Variants in ARHGAP6 observed in about 807,000 individuals in gnomAD.
ARHGAP6 encodes Rho GTPase activating protein 6, also known as rho GTPase-activating protein 6.
In ARHGAP6, 16 loss-of-function variants were observed where a neutral mutation model predicts 55.7. That is an observed-to-expected ratio of 0.29 (90% CI 0.19 to 0.44). ARHGAP6 has a LOEUF of 0.44. ARHGAP6 is among the 20% of genes least tolerant of loss of function. The pLI, the probability that ARHGAP6 is intolerant of heterozygous loss-of-function variation, is 1.00. For synonymous variants in ARHGAP6, 382 were observed against 360.9 expected, an observed-to-expected ratio of 1.06 and a Z score of -0.66; for missense variants, 698 against 808.9, an observed-to-expected ratio of 0.86 and a Z score of 1.66.
At chrX:11,547,027 C>G (rs1456281519) in intron 1 of ARHGAP6, among the ~76,000 whole-genome samples, 1 of 112,458 alleles carries the variant, frequency 8.9e-6, no homozygotes, top group Non-Finnish European at 1.9e-5. Context: ...GCCTCACGTT[C>G]TTTGGAATCA....
intron 1 of ARHGAP6, among the ~76,000 whole-genome samples, chrX:11,390,208 G>A (rs916185939): frequency 9.0e-6 from 1 of 111,342 alleles, no homozygotes; most frequent in African/African-American, 3.3e-5. Flanking sequence ...TCTTGTTTTT[G>A]TCAGGTTTGT....
intron 1 of ARHGAP6, among the ~76,000 whole-genome samples, chrX:11,645,752 G>C (rs2052519751): frequency 9.0e-6 from 1 of 111,427 alleles, no homozygotes; most frequent in African/African-American, 3.3e-5. Context: ...AGAAGGAGAG[G>C]AGTAGGAACA....
rs757682400 is a variant in ARHGAP6 at position 11,376,261 on chromosome X, A to G, written c.589-121554T>C. Among the ~76,000 whole-genome samples the G allele has an allele frequency of 7.1e-5, 8 of 112,645 alleles. No homozygotes were observed. The South Asian group carries it at 2.9e-3, about 42-fold the overall frequency. ...TATTTTGACTGACATGGTAATAGGA[A>G]CACTGCAGATATGATTAAGTGTATA... On this transcript the variant is annotated intron_variant, in intron 1 of 12. Coordinates refer to ENST00000337414, the MANE Select transcript of ARHGAP6 (RefSeq NM_013427.3).
intron 1 of ARHGAP6, among the ~76,000 whole-genome samples, chrX:11,275,921 C>G (rs898762571): frequency 3.6e-5 from 4 of 111,714 alleles, no homozygotes; most frequent in Non-Finnish European, 7.5e-5. Flanking sequence ...ACAAATGAAT[C>G]ATCACATTAA....
At chrX:11,296,865 T>A (rs1470990897) in intron 1 of ARHGAP6, 10 of 1,171,858 alleles carry the variant, frequency 8.5e-6, no homozygotes, top group Non-Finnish European at 1.2e-5. Flanking sequence ...ATTGTTTGCG[T>A]TAACAATGCC....
chrX:11,299,871 A>G (rs2048147614), intron 1 of ARHGAP6, among the ~76,000 whole-genome samples: 1 of 112,124 alleles, frequency 8.9e-6, no homozygotes, highest in Non-Finnish European at 1.9e-5. Flanking sequence ...GTTACTTCAA[A>G]TGTATCGGTG....
At chrX:11,217,266 T>C (rs1462844221) in intron 2 of ARHGAP6, among the ~76,000 whole-genome samples, 2 of 111,942 alleles carry the variant, frequency 1.8e-5, no homozygotes, top group African/African-American at 6.5e-5. Context: ...GTATTCTGAT[T>C]CTGGATCCTT....
At chrX:11,495,147 A>G (rs2050609449) in intron 1 of ARHGAP6, among the ~76,000 whole-genome samples, 2 of 111,978 alleles carry the variant, frequency 1.8e-5, no homozygotes, top group African/African-American at 6.5e-5. Flanking sequence ...TGAACATCTC[A>G]AGTAAGGAGA....
At position 11,449,265 on chromosome X, in the gene ARHGAP6, A is replaced by C. The variant is rs73500859; in HGVS notation, c.589-194558T>G. ...TCCCTGGCTTTGGCCTGCCATCCCC[A>C]CCTTCGCAAGCCCCAATCCATATAG... On this transcript the variant is annotated intron_variant, in intron 1 of 12. Transcript: ENST00000337414. Among the ~76,000 whole-genome samples the C allele has an allele frequency of 6.3e-3, 698 of 111,287 alleles. 5 individuals are homozygous for C. The highest frequency in any genetic ancestry group is 0.022 in the African/African-American group (664 of 30,562).
intron 1 of ARHGAP6, among the ~76,000 whole-genome samples, chrX:11,520,416 G>T (rs1317852192): frequency 9.4e-6 from 1 of 106,256 alleles, no homozygotes; most frequent in African/African-American, 3.4e-5. Flanking sequence ...GCAGTGTTTG[G>T]TTTTTTGTCC....
chrX:11,470,783 G>C (rs1210693662), intron 1 of ARHGAP6, among the ~76,000 whole-genome samples: 1 of 111,926 alleles, frequency 8.9e-6, no homozygotes, highest in Non-Finnish European at 1.9e-5. Flanking sequence ...ATGAAACCAG[G>C]CAGTGGCTCA....
chrX:11,175,894 T>A (rs2046206611), intron 8 of ARHGAP6, among the ~76,000 whole-genome samples: 1 of 109,336 alleles, frequency 9.1e-6, no homozygotes, highest in South Asian at 4.2e-4. Context: ...TCTGTACGTC[T>A]TTTCTCTTAG....
chrX:11,406,010 C>T (rs2049604781), intron 1 of ARHGAP6, among the ~76,000 whole-genome samples: 1 of 111,091 alleles, frequency 9.0e-6, no homozygotes, highest in Non-Finnish European at 1.9e-5. Flanking sequence ...CTCAAGTGAT[C>T]CTCCCGCCTC....
At chrX:11,253,142 G>A (rs1201862292) in intron 2 of ARHGAP6, among the ~76,000 whole-genome samples, 2 of 110,762 alleles carry the variant, frequency 1.8e-5, no homozygotes, top group Admixed American at 9.6e-5. Context: ...TTATTATAGG[G>A]TGTTGGTCAG....
At chrX:11,510,216 G>A (rs1412328576) in intron 1 of ARHGAP6, among the ~76,000 whole-genome samples, 3 of 111,536 alleles carry the variant, frequency 2.7e-5, no homozygotes, top group African/African-American at 9.8e-5. Flanking sequence ...ATCTAAAATA[G>A]ATTATATATG....
At chrX:11,621,303 G>C (rs2052227044) in intron 1 of ARHGAP6, among the ~76,000 whole-genome samples, 2 of 112,081 alleles carry the variant, frequency 1.8e-5, no homozygotes, top group South Asian at 7.4e-4. Flanking sequence ...TCCAGAATAT[G>C]AGTTTACTGT....
At chrX:11,174,461 C>G (rs1602777379) in intron 8 of ARHGAP6, among the ~76,000 whole-genome samples, 1 of 110,896 alleles carries the variant, frequency 9.0e-6, no homozygotes, top group African/African-American at 3.3e-5. Context: ...TTTACAGGAA[C>G]CTAGGGTAGA....
chrX:11,171,743 T>A (rs979090116), intron 8 of ARHGAP6, among the ~76,000 whole-genome samples: 2 of 111,429 alleles, frequency 1.8e-5, no homozygotes, highest in African/African-American at 6.5e-5. Flanking sequence ...ACTAGTGACA[T>A]GTAATACCAG....
At chrX:11,597,181 T>C (rs1024569397) in intron 1 of ARHGAP6, among the ~76,000 whole-genome samples, 1 of 112,530 alleles carries the variant, frequency 8.9e-6, no homozygotes, top group African/African-American at 3.2e-5. Context: ...TGCATTTTTG[T>C]TGCTGCATTT....
Sources: allele counts gnomAD v4.1 joint callset (sites outside exome capture counted in the v4.1 genomes callset), GRCh38; gene constraint gnomAD v4.1.1; transcripts MANE v1.5; gene names NCBI Gene and HGNC (gene_info 2026-07-23, HGNC 2026-07-21).